Variants in CNTNAP2 observed in about 807,000 individuals in gnomAD.
The protein encoded by CNTNAP2 is contactin associated protein 2, also known as contactin-associated protein-like 2.
CNTNAP2 carries 98 observed loss-of-function variants against 155.2 expected under a neutral mutation model. The ratio of observed to expected loss-of-function variants is 0.63; its 90% CI spans 0.54 to 0.75. CNTNAP2 has a LOEUF of 0.75. CNTNAP2 is among the 30% of genes least tolerant of loss of function. CNTNAP2 has a pLI of 0.00. For missense variants in CNTNAP2, 1,727 were observed against 1,688.1 expected, an observed-to-expected ratio of 1.02 and a Z score of -0.40; for synonymous variants, 651 against 631.2, an observed-to-expected ratio of 1.03 and a Z score of -0.47.
intron 21 of CNTNAP2, among the ~76,000 whole-genome samples, chr7:148,293,756 C>T (rs1266192041): frequency 6.6e-6 from 1 of 152,042 alleles, no homozygotes; most frequent in Non-Finnish European, 1.5e-5. Flanking sequence ...CCAAAACCCC[C>T]GGGCACAGTG....
At chr7:147,367,874 CTT>C (rs35059343) in intron 9 of CNTNAP2, among the ~76,000 whole-genome samples, 5,548 of 152,150 alleles carry the variant, frequency 0.036, 352 homozygotes, top group African/African-American at 0.13. Flanking sequence ...GTGTTAGACA[CTT>C]TACTTTTCAC....
intron 12 of CNTNAP2, among the ~76,000 whole-genome samples, chr7:147,623,829 A>G (rs2116897070): frequency 6.6e-6 from 1 of 152,234 alleles, no homozygotes; most frequent in South Asian, 2.1e-4. Flanking sequence ...CAAAAAGAAC[A>G]AAACTGGAGG....
At chr7:146,902,407 A>T (rs913843878) in intron 3 of CNTNAP2, among the ~76,000 whole-genome samples, 2 of 152,236 alleles carry the variant, frequency 1.3e-5, no homozygotes, top group Non-Finnish European at 2.9e-5. Context: ...TCTAGTACTT[A>T]AATAACTGGA....
At chr7:146,483,274 T>TAAAAAAA (rs1172354064) in intron 1 of CNTNAP2, among the ~76,000 whole-genome samples, 7 of 40,860 alleles carry the variant, frequency 1.7e-4, no homozygotes, top group Admixed American at 6.6e-4. Context: ...AGACTCCGTC[T>TAAAAAAA]AAAAAAAAAT....
chr7:147,822,918 C>T (rs1382655055), intron 13 of CNTNAP2, among the ~76,000 whole-genome samples: 1 of 152,166 alleles, frequency 6.6e-6, no homozygotes, highest in African/African-American at 2.4e-5. Context: ...TTTGTCAACT[C>T]TGCAAGAGAC....
chr7:147,166,633 A>G (rs947367508), intron 8 of CNTNAP2, among the ~76,000 whole-genome samples: 3 of 152,152 alleles, frequency 2.0e-5, no homozygotes, highest in Non-Finnish European at 4.4e-5. Context: ...ACCTGGGTGC[A>G]GGCGGGCTGA....
At chr7:148,120,653 T>C (rs1487564926) in intron 16 of CNTNAP2, among the ~76,000 whole-genome samples, 1 of 152,194 alleles carries the variant, frequency 6.6e-6, no homozygotes, top group African/African-American at 2.4e-5. Flanking sequence ...TGGCCCATGG[T>C]TCACAGTATG....
intron 17 of CNTNAP2, among the ~76,000 whole-genome samples, chr7:148,170,229 T>C (rs1247294132): frequency 1.3e-5 from 2 of 152,242 alleles, no homozygotes; most frequent in African/African-American, 2.4e-5. Context: ...AAATGATTTC[T>C]ACATTTTAGC....
chr7:147,168,590 G>A (rs1028933873), intron 8 of CNTNAP2, among the ~76,000 whole-genome samples: 2 of 151,924 alleles, frequency 1.3e-5, no homozygotes, highest in Non-Finnish European at 2.9e-5. Flanking sequence ...AACAAAACTC[G>A]TGAAGATTTA....
intron 9 of CNTNAP2, among the ~76,000 whole-genome samples, chr7:147,318,971 A>C (rs181788773): frequency 2.0e-5 from 3 of 152,278 alleles, no homozygotes; most frequent in African/African-American, 4.8e-5. Flanking sequence ...AGATAAAGGG[A>C]GGTGAAATTT....
intron 3 of CNTNAP2, among the ~76,000 whole-genome samples, chr7:146,887,840 C>A (rs1795698487): frequency 6.6e-6 from 1 of 151,996 alleles, no homozygotes; most frequent in African/African-American, 2.4e-5. Context: ...CCTTGACCAC[C>A]CTAGCATTTC....
intron 13 of CNTNAP2, among the ~76,000 whole-genome samples, chr7:147,766,840 T>C (rs141785914): frequency 4.1e-4 from 62 of 152,194 alleles, no homozygotes; most frequent in African/African-American, 1.3e-3. Flanking sequence ...TTCTAGGTAA[T>C]CAACTAATAG....
intron 20 of CNTNAP2, among the ~76,000 whole-genome samples, chr7:148,264,645 C>T (rs1796634330): frequency 6.6e-6 from 1 of 152,022 alleles, no homozygotes; most frequent in Admixed American, 6.6e-5. Context: ...TATTTGTATC[C>T]ATTTTTAAAA....
At chr7:146,212,954 T>C (rs987382035) in intron 1 of CNTNAP2, among the ~76,000 whole-genome samples, 3 of 152,140 alleles carry the variant, frequency 2.0e-5, no homozygotes, top group African/African-American at 4.8e-5. Flanking sequence ...GTCTTGTGCT[T>C]AACAGTGTTC....
chr7:146,240,307 T>C (rs1799539427), intron 1 of CNTNAP2, among the ~76,000 whole-genome samples: 1 of 152,108 alleles, frequency 6.6e-6, no homozygotes, highest in African/African-American at 2.4e-5. Context: ...CCTTTAGCAG[T>C]GTAAGCTACC....
intron 13 of CNTNAP2, among the ~76,000 whole-genome samples, chr7:147,657,715 AT>A (rs1795546638): frequency 6.6e-6 from 1 of 152,218 alleles, no homozygotes; most frequent in Admixed American, 6.5e-5. Context: ...CTTAAAAATA[AT>A]GTTAACTGCC....
intron 5 of CNTNAP2, among the ~76,000 whole-genome samples, chr7:147,114,263 G>A (rs1800940385): frequency 1.3e-5 from 2 of 152,130 alleles, no homozygotes; most frequent in Admixed American, 6.5e-5. Flanking sequence ...GTGCTGTGTA[G>A]TGATGAGAAG....
At chr7:147,413,868 G>A (rs1386832059) in intron 10 of CNTNAP2, among the ~76,000 whole-genome samples, 1 of 152,076 alleles carries the variant, frequency 6.6e-6, no homozygotes, top group East Asian at 1.9e-4. Flanking sequence ...GGCCTTTGGT[G>A]TGTTATGGTT....
intron 15 of CNTNAP2, among the ~76,000 whole-genome samples, chr7:148,075,448 A>G (rs905448024): frequency 1.3e-5 from 2 of 152,138 alleles, no homozygotes; most frequent in African/African-American, 4.8e-5. Flanking sequence ...AAAAAAAAAA[A>G]AATTAATAAT....
Sources: allele counts gnomAD v4.1 joint callset (sites outside exome capture counted in the v4.1 genomes callset), GRCh38; gene constraint gnomAD v4.1.1; transcripts MANE v1.5; gene names NCBI Gene and HGNC (gene_info 2026-07-23, HGNC 2026-07-21).